Variants in SMYD3 observed in about 807,000 individuals in gnomAD.
The protein encoded by SMYD3 is SET and MYND domain containing 3.
In SMYD3, 36 loss-of-function variants were observed where a neutral mutation model predicts 57.7. The ratio of observed to expected loss-of-function variants is 0.62; its 90% confidence interval spans 0.48 to 0.82. The LOEUF is 0.82. SMYD3 is among the 40% of genes least tolerant of loss of function. The pLI, the probability that SMYD3 is intolerant of heterozygous loss-of-function variation, is 0.00. For synonymous variants in SMYD3, 211 were observed against 195.0 expected (o/e 1.08, Z -0.68); for missense variants, 515 against 538.8 (o/e 0.96, Z 0.44).
intron 10 of SMYD3, among the ~76,000 whole-genome samples, chr1:245,772,142 A>G (rs12022207): frequency 0.18 from 27,024 of 152,142 alleles, 2,556 homozygotes; most frequent in East Asian, 0.3. Flanking sequence ...TCTGATATGT[A>G]CTATTGGCCT....
chr1:245,940,506 G>A (rs575158404), intron 5 of SMYD3, among the ~76,000 whole-genome samples: 3 of 152,110 alleles, frequency 2.0e-5, no homozygotes, highest in South Asian at 4.2e-4. Flanking sequence ...AGGTGAATAC[G>A]GTCTGGAATG....
intron 5 of SMYD3, among the ~76,000 whole-genome samples, chr1:246,086,462 T>G (rs1464316914): frequency 6.6e-6 from 1 of 152,136 alleles, no homozygotes; most frequent in Admixed American, 6.5e-5. Flanking sequence ...CCTTCAGTTT[T>G]CATTTGCTCC....
chr1:246,477,253 T>C (rs1477962623), intron 1 of SMYD3, among the ~76,000 whole-genome samples: 2 of 152,228 alleles, frequency 1.3e-5, no homozygotes, highest in Non-Finnish European at 2.9e-5. Context: ...ATAAGATACT[T>C]AGATAAATAT....
chr1:246,157,906 G>C (rs2062047815), intron 5 of SMYD3, among the ~76,000 whole-genome samples: 1 of 152,330 alleles, frequency 6.6e-6, no homozygotes, highest in South Asian at 2.1e-4. Context: ...TTGCCAGTGA[G>C]ACCCCACTAG....
chr1:246,211,126 A>T (rs1353245730), intron 5 of SMYD3, among the ~76,000 whole-genome samples: 4 of 152,282 alleles, frequency 2.6e-5, no homozygotes, highest in Admixed American at 2.6e-4. Flanking sequence ...AGGAAAAAAA[A>T]ATCATGAACC....
chr1:246,102,706 G>A (rs1228709988), intron 5 of SMYD3, among the ~76,000 whole-genome samples: 5 of 151,454 alleles, frequency 3.3e-5, no homozygotes, highest in African/African-American at 1.2e-4. Context: ...CCATGAGTTG[G>A]AGACTGGCCT....
At chr1:245,897,752 C>G (rs2053919058) in intron 8 of SMYD3, among the ~76,000 whole-genome samples, 1 of 151,972 alleles carries the variant, frequency 6.6e-6, no homozygotes, top group East Asian at 1.9e-4. Flanking sequence ...AAAAAATTAG[C>G]CAGGTGTGGT....
intron 5 of SMYD3, among the ~76,000 whole-genome samples, chr1:246,160,726 TC>T (rs2062103356): frequency 6.6e-6 from 1 of 152,076 alleles, no homozygotes; most frequent in Admixed American, 6.6e-5. Context: ...GTTCCCAAAT[TC>T]CTGACACAGA....
intron 5 of SMYD3, among the ~76,000 whole-genome samples, chr1:246,107,787 T>C (rs1263216303): frequency 6.6e-6 from 1 of 152,148 alleles, no homozygotes; most frequent in African/African-American, 2.4e-5. Flanking sequence ...CAATTATAAG[T>C]GGATTTAACT....
intron 5 of SMYD3, among the ~76,000 whole-genome samples, chr1:246,038,473 C>T (rs561614390): frequency 2.0e-5 from 3 of 152,234 alleles, no homozygotes; most frequent in Non-Finnish European, 2.9e-5. Flanking sequence ...CAAAATGGAG[C>T]GAGCATCCTG....
At chr1:245,790,522 A>G (rs1361263715) in intron 10 of SMYD3, among the ~76,000 whole-genome samples, 2 of 152,224 alleles carry the variant, frequency 1.3e-5, no homozygotes, top group Non-Finnish European at 1.5e-5. Flanking sequence ...TACTTTCTAT[A>G]CTTGGCTCCA....
At position 245,971,394 on chromosome 1, in the gene SMYD3, T is replaced by C. The variant is rs113179633; in HGVS notation, c.532-41457A>G. On this transcript the variant is annotated intron_variant, in intron 5 of 11. Coordinates refer to ENST00000490107, the MANE Select transcript of SMYD3 (RefSeq NM_001167740.2). ...AACCACCATGGCACGTGTATACCTATGTAACAAAGCTGCACTGTTCTGCAC... is the reference window on the plus strand; with the variant it reads ...AACCACCATGGCACGTGTATACCTACGTAACAAAGCTGCACTGTTCTGCAC... Among the ~76,000 whole-genome samples the C allele has an allele frequency of 5.9e-5, 9 of 152,142 alleles. 1 individual carries two copies. Among genetic ancestry groups the C allele is most frequent in the African/African-American group, 2.2e-4 (9 of 41,500 alleles).
At chr1:246,364,041 G>A (rs2066055617) in intron 1 of SMYD3, among the ~76,000 whole-genome samples, 1 of 152,140 alleles carries the variant, frequency 6.6e-6, no homozygotes, top group Admixed American at 6.5e-5. Flanking sequence ...TCAGTTGCTG[G>A]CTTTGAAGAT....
chr1:245,923,171 C>T (rs776926011), intron 7 of SMYD3, among the ~76,000 whole-genome samples: 11 of 151,884 alleles, frequency 7.2e-5, no homozygotes, highest in African/African-American at 2.2e-4. Context: ...TAAAATGTTT[C>T]GTTTGTGATA....
intron 8 of SMYD3, among the ~76,000 whole-genome samples, chr1:245,903,958 T>C (rs1271130765): frequency 6.6e-6 from 1 of 152,228 alleles, no homozygotes; most frequent in African/African-American, 2.4e-5. Flanking sequence ...GCTGTCTTGG[T>C]GATTAACATT....
intron 5 of SMYD3, among the ~76,000 whole-genome samples, chr1:246,074,115 T>C (rs2060504194): frequency 6.6e-6 from 1 of 152,192 alleles, no homozygotes; most frequent in South Asian, 2.1e-4. Context: ...GTATTTTATG[T>C]ATGGCTCAAG....
intron 10 of SMYD3, among the ~76,000 whole-genome samples, chr1:245,787,627 T>TAAA (rs35007742): frequency 2.7e-5 from 4 of 146,288 alleles, no homozygotes; most frequent in African/African-American, 1.0e-4. Flanking sequence ...ATCAGGGTGT[T>TAAA]AAAAAAAAAA....
chr1:246,432,262 C>T (rs984109986), intron 1 of SMYD3, among the ~76,000 whole-genome samples: 1 of 152,204 alleles, frequency 6.6e-6, no homozygotes, highest in African/African-American at 2.4e-5. Flanking sequence ...TTTAATTACT[C>T]TAGAGAGTGA....
chr1:246,298,683 T>C (rs2064838561), intron 5 of SMYD3, among the ~76,000 whole-genome samples: 1 of 151,994 alleles, frequency 6.6e-6, no homozygotes, highest in African/African-American at 2.4e-5. Context: ...CCATCAAGAA[T>C]ATGCAACACT....
Sources: gnomAD v4.1 joint callset for allele counts (sites outside exome capture counted in the v4.1 genomes callset) on GRCh38, gnomAD v4.1.1 for gene constraint, MANE v1.5 for transcripts, NCBI Gene and HGNC (gene_info 2026-07-23, HGNC 2026-07-21) for gene names.